The following ITGA2B variants were observed in gnomAD, a reference collection of about 807,000 sequenced individuals.
ITGA2B encodes integrin subunit alpha 2b, also known as integrin alpha-IIb.
A neutral mutation model predicts 142.0 loss-of-function variants in ITGA2B; 91 were observed. The observed-to-expected ratio is 0.64, with a 90% CI of 0.54 to 0.76. ITGA2B has a LOEUF of 0.76. ITGA2B is among the 30% of genes least tolerant of loss of function. The probability of loss-of-function intolerance (pLI) is 0.00; values close to 1 mark genes in which losing one functional copy is unlikely to be tolerated. For synonymous variants in ITGA2B, 536 were observed against 567.2 expected (o/e 0.94, Z 0.78); for missense variants, 1,231 against 1,350.8 (o/e 0.91, Z 1.39).
chr17:44,372,872 C>T (rs1206680353), intron 29 of ITGA2B, among the ~76,000 whole-genome samples: 1 of 152,108 alleles, frequency 6.6e-6, no homozygotes, highest in East Asian at 1.9e-4. Flanking sequence ...CTGCCTGCCT[C>T]AGCCTCCCAT....
In ITGA2B at chr17:44,376,049, G is replaced by A. The variant is rs374446342; in HGVS notation, c.2448+36C>T. The A allele has an allele frequency of 6.6e-5, 106 of 1,613,934 alleles. No homozygotes were observed. The Admixed American group carries it at 1.6e-3, about 24-fold the overall frequency. On this transcript the variant is annotated intron_variant, in intron 24 of 29. Coordinates refer to ENST00000262407, the MANE Select transcript of ITGA2B (RefSeq NM_000419.5). ...GCCTCACCCGGAGTTCTGAGGACCCGCTCACCCCAGCCAGGGACGCGAGGC... is the reference window on the plus strand; with the variant it reads ...GCCTCACCCGGAGTTCTGAGGACCCACTCACCCCAGCCAGGGACGCGAGGC...
In ITGA2B at chr17:44,385,669, C is replaced by A; in HGVS notation, c.456G>T (p.Glu152Asp). The change falls in exon 4 of 30, where the codon GAG becomes GAT. Residue 152 changes from glutamate to aspartate, a missense_variant. Transcript: ENST00000262407. The stretch of plus-strand genomic sequence containing the variant: ...AGCTACCTACGGGCGTCTTCTCAGC[C>A]TCCTCAGTCTTTTCTAGGACGTTCC... ...QHWNVLEKTE[E>D]AEKTPVGSCF... 2 of 1,613,766 alleles carry A rather than the reference C, an allele frequency of 1.2e-6. No individual in the cohort carries two copies. The highest frequency in any genetic ancestry group is 1.7e-6 in the Non-Finnish European group (2 of 1,180,020).
chr17:44,383,729 T>G, intron 11 of ITGA2B, 25 bp from the exon 12 acceptor site: 1 of 1,559,872 alleles, frequency 6.4e-7, no homozygotes, highest in Non-Finnish European at 8.7e-7. Context: ...AGTGGTTACA[T>G]GGGACTGGAC....
chr17:44,383,923 TG>T lies in ITGA2B; in HGVS notation c.968del (p.Ser323Ter), dbSNP rs762497208. 6.2e-7 allele frequency: 1 copy of T among 1,614,042 alleles called. No individual in the cohort carries two copies. The highest frequency in any genetic ancestry group is 1.1e-5 in the South Asian group (1 of 91,076). ...GEQMASYFGH[S>X]VAVTDVNGDG... ...CCCCGTTGACGTCAGTGACAGCCAC[TG>T]AATGCCCAAAATACGACGCCATCTG... On this transcript the variant is annotated frameshift_variant, in exon 11 of 30. Transcript: ENST00000262407.
chr17:44,374,125 C>T (rs533838257), intron 29 of ITGA2B: 6 of 530,426 alleles, frequency 1.1e-5, no homozygotes, highest in Middle Eastern at 5.2e-4. Context: ...AGGCTGGTCT[C>T]GAACTCTTGA....
chr17:44,384,041 G>A (rs905838328), intron 10 of ITGA2B, 44 bp downstream of exon 10: 56 of 1,613,630 alleles, frequency 3.5e-5, no homozygotes, highest in Non-Finnish European at 4.6e-5. Context: ...TGAAGTCTCA[G>A]TTCCCCCTCC....
Position 44,384,556 on chromosome 17 carries a change from C to T in ITGA2B, c.829G>A (p.Gly277Arg). 1.2e-6 allele frequency: 2 copies of T among 1,614,072 alleles called. No individual in the cohort carries two copies. Among genetic ancestry groups the T allele is most frequent in the Non-Finnish European group, 1.7e-6 (2 of 1,180,034 alleles). The change falls in exon 8 of 30, where the codon GGG becomes AGG. Residue 277 changes from glycine to arginine, a missense_variant. Gly to Arg is a moderately radical substitution (Grantham distance 125). This residue lies in a region of ITGA2B where 908 missense variants were observed against 1,021.1 expected (regional missense o/e 0.89). Coordinates refer to ENST00000262407, the MANE Select transcript of ITGA2B (RefSeq NM_000419.5). Reference sequence around the variant, plus strand: ...TTCTTGCCTGTAGTGTTGAGATCCCCGTCGAACTCGCCCACGGCCACCGAG... The same window carrying T: ...TTCTTGCCTGTAGTGTTGAGATCCCTGTCGAACTCGCCCACGGCCACCGAG... ...GYSVAVGEFD[G>R]DLNTTEYVVG... is the part of the protein sequence containing the mutation.
At chr17:44,382,801 A>G (rs1305089719) in intron 12 of ITGA2B, among the ~76,000 whole-genome samples, 4 of 152,112 alleles carry the variant, frequency 2.6e-5, no homozygotes, top group African/African-American at 9.7e-5. Context: ...CTCTTCCTTG[A>G]GTCCCGGGCC....
chr17:44,376,361 C>A lies in ITGA2B; in HGVS notation c.2295G>T (p.Lys765Asn). 6.2e-7 allele frequency: 1 copy of A among 1,614,204 alleles called. No individual in the cohort carries two copies. The highest frequency in any genetic ancestry group is 8.5e-7 in the Non-Finnish European group (1 of 1,180,038). ...GGACCGGCACGTCCAGCAGCACAATCTTGCTGTTTGGATTCTGGCTGTTCT... is the reference window on the plus strand; with the variant it reads ...GGACCGGCACGTCCAGCAGCACAATATTGCTGTTTGGATTCTGGCTGTTCT... ...RSKNSQNPNSKIVLLDVPVRA... is the reference protein window; with the variant it reads ...RSKNSQNPNSNIVLLDVPVRA... The change falls in exon 23 of 30, where the codon AAG (lysine) becomes AAT (asparagine). Residue 765 changes from lysine (K) to asparagine (N), a missense_variant. This residue lies in a region of ITGA2B where 908 missense variants were observed against 1,021.1 expected (regional missense o/e 0.89). Coordinates refer to ENST00000262407, the MANE Select transcript of ITGA2B (RefSeq NM_000419.5).
intron 26 of ITGA2B, 103 bp downstream of exon 26, chr17:44,375,488 C>G: frequency 9.3e-6 from 13 of 1,401,818 alleles, no homozygotes; most frequent in Non-Finnish European, 1.3e-5. Flanking sequence ...CCAAGCGTGG[C>G]CCACAGAGGC....
Position 44,374,448 on chromosome 17 carries a change from GC to G in ITGA2B, c.2965del (p.Ala989ProfsTer?), listed in dbSNP as rs2048521625. The G allele has an allele frequency of 6.2e-7, 1 of 1,614,036 alleles. No homozygotes were observed. The highest frequency in any genetic ancestry group is 8.5e-7 in the Non-Finnish European group (1 of 1,180,004). On this transcript the variant is annotated frameshift_variant, in exon 29 of 30. Transcript: ENST00000262407. LOFTEE classifies it high-confidence loss of function. ...EAQVWTQLLRALEERAIPIWW... is the reference protein window; with the variant it reads ...EAQVWTQLLRXLEERAIPIWW... ...GATTGGAATGGCCCTCTCCTCCAAG[GC>G]CCGGAGCAGCTGTGTCCACACCTGG...
At position 44,376,378 on chromosome 17, in the gene ITGA2B, G is replaced by A; in HGVS notation, c.2278C>T (p.Gln760Ter). ...AGCACAATCTTGCTGTTTGGATTCT[G>A]GCTGTTCTTGCTAGAGGGGAGGGGA... is the stretch of plus-strand genomic sequence containing the variant. ...FQLQIRSKNSQNPNSKIVLLD... is the reference protein window; with the variant it reads ...FQLQIRSKNS Residue 760 changes from glutamine to a stop codon, truncating the protein, a stop_gained, in exon 23 of 30, where the codon CAG (glutamine) becomes TAG (stop). Coordinates refer to ENST00000262407, the MANE Select transcript of ITGA2B (RefSeq NM_000419.5). LOFTEE classifies it high-confidence loss of function. The A allele has an allele frequency of 2.5e-5, 40 of 1,614,174 alleles. No homozygotes were observed. Among genetic ancestry groups the A allele is most frequent in the Non-Finnish European group, 3.3e-5 (39 of 1,180,024 alleles).
In ITGA2B at chr17:44,374,693, A is replaced by G. The variant is rs756678813; in HGVS notation, c.2909T>C (p.Val970Ala). Residue 970 changes from valine (V) to alanine (A), a missense_variant, in exon 28 of 30, where the codon GTG becomes GCG. Val to Ala is a moderately conservative substitution (Grantham distance 64). Transcript: ENST00000262407. ...WFNVSSLPYA[V>A]PPLSLPRGEA... ...CCCTCGGGGCAGGCTGAGCGGGGGC[A>G]CCGCATAGGGGAGGGAGGACACGTT... 22 of 1,613,806 alleles carry G rather than the reference A, an allele frequency of 1.4e-5. 1 individual carries two copies. The South Asian group carries it at 1.5e-4, about 11-fold the overall frequency.
At position 44,377,673 on chromosome 17, in the gene ITGA2B, C is replaced by G. The variant is rs576301231; in HGVS notation, c.2187+25G>C. 7.6e-6 allele frequency: 12 copies of G among 1,584,720 alleles called. No individual in the cohort carries two copies. The African/African-American group carries it at 1.6e-4, about 21-fold the overall frequency. Reference sequence around the variant, plus strand: ...TATTCATGAGCCCCTGGTGGAGACCCGGTACCACGACCCAGCAGCCTCACC... The same window carrying G: ...TATTCATGAGCCCCTGGTGGAGACCGGGTACCACGACCCAGCAGCCTCACC... On this transcript the variant is annotated intron_variant, in intron 21 of 29. Transcript: ENST00000262407.
At position 44,374,689 on chromosome 17, in the gene ITGA2B, G is replaced by A. The variant is rs746156212; in HGVS notation, c.2913C>T (p.Pro971=). The A allele has an allele frequency of 3.1e-6, 5 of 1,614,054 alleles. No homozygotes were observed. The South Asian group carries it at 5.5e-5, about 18-fold the overall frequency. ...CTTCCCCTCGGGGCAGGCTGAGCGG[G>A]GGCACCGCATAGGGGAGGGAGGACA... ...FNVSSLPYAV[P]PLSLPRGEAQ... is the part of the protein sequence containing the mutation. Residue 971 remains proline, a synonymous_variant, in exon 28 of 30, where the codon CCC becomes CCT. Coordinates refer to ENST00000262407, the MANE Select transcript of ITGA2B (RefSeq NM_000419.5).
At chr17:44,374,080 AT>A in intron 29 of ITGA2B, 1 of 406,988 alleles carries the variant, frequency 2.5e-6, no homozygotes, top group South Asian at 2.1e-5. Flanking sequence ...TAATTTTGGT[AT>A]TTTTAGTAGA....
At chr17:44,375,346 A>G (rs897885305) in intron 26 of ITGA2B, 2 of 632,886 alleles carry the variant, frequency 3.2e-6, no homozygotes, top group Non-Finnish European at 5.5e-6. Context: ...CAGATCTATG[A>G]TAACCTTGCT....
Position 44,389,397 on chromosome 17 carries a change from G to A in ITGA2B, c.77C>T (p.Ala26Val). 6.2e-7 allele frequency: 1 copy of A among 1,614,202 alleles called. No individual in the cohort carries two copies. The change falls in exon 1 of 30, where the codon GCC becomes GTC. Residue 26 changes from alanine (A) to valine (V), a missense_variant. Transcript: ENST00000262407. The stretch of plus-strand genomic sequence containing the variant: ...CAGGTTCAAGGCCCAGGCTGGAGGG[G>A]CAGCACAAGGTCCCAAGAGCAGCAG... ...WVLLLLGPCA[A>V]PPAWALNLDP...
chr17:44,388,609 C>G (rs1350202961), intron 1 of ITGA2B, among the ~76,000 whole-genome samples: 1 of 151,838 alleles, frequency 6.6e-6, no homozygotes, highest in African/African-American at 2.4e-5. Context: ...ACCTCCACCT[C>G]CCGGGTTCAA....
Sources: allele counts gnomAD v4.1 joint callset (sites outside exome capture counted in the v4.1 genomes callset), GRCh38; gene constraint gnomAD v4.1.1; regional missense constraint gnomAD v4.1.1; transcripts MANE v1.5; gene names NCBI Gene and HGNC (gene_info 2026-07-23, HGNC 2026-07-21).